TBL1XR1: variants seen among roughly 807,000 people sequenced by gnomAD.
TBL1XR1 encodes the protein F-box-like/WD repeat-containing protein TBL1XR1.
TBL1XR1 carries 5 observed loss-of-function variants against 66.9 expected under a neutral mutation model. That is an observed-to-expected ratio of 0.07 (90% CI 0.04 to 0.16). The LOEUF (loss-of-function observed/expected upper bound fraction) is 0.16. Among genes scored for constraint, TBL1XR1 ranks in the 10% least tolerant of loss-of-function variants. The probability of loss-of-function intolerance (pLI) is 1.00; values close to 1 mark genes in which losing one functional copy is unlikely to be tolerated. For missense variants in TBL1XR1, 238 were observed against 623.2 expected (o/e 0.38, Z 6.58); for synonymous variants, 210 against 206.0 (o/e 1.02, Z -0.17).
At chr3:177,034,112 G>A in intron 13 of TBL1XR1, 86 bp downstream of exon 13, 2 of 1,295,904 alleles carry the variant, frequency 1.5e-6, no homozygotes, top group Non-Finnish European at 1.1e-6. Flanking sequence ...TCCACTTCAT[G>A]AAATCTTCCC....
At chr3:177,195,579 G>A (rs966300490) in intron 1 of TBL1XR1, 1 of 151,870 alleles carries the variant, frequency 6.6e-6, no homozygotes, top group African/African-American at 2.4e-5. Flanking sequence ...TCTTCAACGT[G>A]TAATCGAAAT....
intron 2 of TBL1XR1, among the ~76,000 whole-genome samples, chr3:177,090,588 T>C (rs1722706435): frequency 6.7e-6 from 1 of 150,312 alleles, no homozygotes. Context: ...TTTGGGAGGC[T>C]GAGGCAGGTG....
chr3:177,102,156 T>A (rs1724305657), intron 1 of TBL1XR1, among the ~76,000 whole-genome samples: 1 of 152,206 alleles, frequency 6.6e-6, no homozygotes, highest in Non-Finnish European at 1.5e-5. Flanking sequence ...TAATCTCAGT[T>A]TTCACTAATT....
At chr3:177,129,580 G>T (rs970125914) in intron 1 of TBL1XR1, among the ~76,000 whole-genome samples, 3 of 152,154 alleles carry the variant, frequency 2.0e-5, no homozygotes, top group African/African-American at 7.2e-5. Context: ...CCTTTCCAGA[G>T]GCTGGGGATA....
intron 1 of TBL1XR1, among the ~76,000 whole-genome samples, chr3:177,175,495 C>T (rs918493590): frequency 2.6e-5 from 4 of 152,214 alleles, no homozygotes; most frequent in Admixed American, 6.5e-5. Context: ...GCCTGGAAAA[C>T]GCAAATGTTT....
At chr3:177,113,065 T>C (rs1228604189) in intron 1 of TBL1XR1, among the ~76,000 whole-genome samples, 1 of 152,046 alleles carries the variant, frequency 6.6e-6, no homozygotes, top group Non-Finnish European at 1.5e-5. Context: ...TCTACACATT[T>C]ACAGTCAACT....
At chr3:177,196,899 G>T (rs189394851) in intron 1 of TBL1XR1, among the ~76,000 whole-genome samples, 1 of 151,798 alleles carries the variant, frequency 6.6e-6, no homozygotes, top group African/African-American at 2.4e-5. Context: ...GCATTTCAAA[G>T]AAACCTGAGA....
chr3:177,069,307 A>G (rs1719574584), intron 2 of TBL1XR1, among the ~76,000 whole-genome samples: 1 of 152,222 alleles, frequency 6.6e-6, no homozygotes, highest in Non-Finnish European at 1.5e-5. Context: ...GATCTCAGAC[A>G]GACATCTCCA....
At chr3:177,025,636 T>C in intron 15 of TBL1XR1, 112 bp from the exon 16 acceptor site, 1 of 1,018,204 alleles carries the variant, frequency 9.8e-7, no homozygotes, top group Non-Finnish European at 1.5e-6. Context: ...GTTTATAAAA[T>C]TGGTAAAGCA....
intron 1 of TBL1XR1, among the ~76,000 whole-genome samples, chr3:177,133,348 T>C (rs1464842755): frequency 2.6e-5 from 4 of 152,202 alleles, no homozygotes; most frequent in Admixed American, 6.5e-5. Context: ...GGATTGACAT[T>C]ATCTGTATTT....
intron 14 of TBL1XR1, chr3:177,027,381 A>C (rs1713293112): frequency 6.6e-6 from 1 of 152,258 alleles, no homozygotes; most frequent in African/African-American, 2.4e-5. Context: ...ATCATTCATT[A>C]AGCTGAATCA....
chr3:177,138,381 GC>G (rs1233325977), intron 1 of TBL1XR1, among the ~76,000 whole-genome samples: 1 of 152,184 alleles, frequency 6.6e-6, no homozygotes, highest in Non-Finnish European at 1.5e-5. Context: ...AACTGATTGA[GC>G]CCAGGAGTGT....
chr3:177,096,956 G>C (rs1375455583), intron 2 of TBL1XR1, among the ~76,000 whole-genome samples: 1 of 152,116 alleles, frequency 6.6e-6, no homozygotes, highest in East Asian at 1.9e-4. Context: ...AAAGGGAAGA[G>C]GGTGAGCAGG....
intron 1 of TBL1XR1, among the ~76,000 whole-genome samples, chr3:177,118,920 A>C (rs1451796831): frequency 6.6e-6 from 1 of 152,194 alleles, no homozygotes; most frequent in Non-Finnish European, 1.5e-5. Flanking sequence ...AATGGGACCT[A>C]TAGAAAGTAT....
At chr3:177,191,890 C>CGAG (rs1245379484) in intron 1 of TBL1XR1, among the ~76,000 whole-genome samples, 1 of 144,402 alleles carries the variant, frequency 6.9e-6, no homozygotes, top group African/African-American at 2.6e-5. Context: ...GTCAGGAGTT[C>CGAG]GAGACCAGCC....
intron 1 of TBL1XR1, among the ~76,000 whole-genome samples, chr3:177,168,955 A>C (rs1235691040): frequency 1.3e-5 from 2 of 151,880 alleles, no homozygotes; most frequent in Non-Finnish European, 2.9e-5. Flanking sequence ...CAATCCAACT[A>C]CCCTCTAGTC....
At chr3:177,169,467 T>A (rs1025627187) in intron 1 of TBL1XR1, among the ~76,000 whole-genome samples, 1 of 152,208 alleles carries the variant, frequency 6.6e-6, no homozygotes, top group Non-Finnish European at 1.5e-5. Flanking sequence ...AAGAAAAGCA[T>A]GATCATGGCA....
At chr3:177,037,105 TGAGA>T (rs1011682672) in intron 12 of TBL1XR1, among the ~76,000 whole-genome samples, 4 of 152,228 alleles carry the variant, frequency 2.6e-5, no homozygotes, top group Non-Finnish European at 4.4e-5. Flanking sequence ...GCTCGCTCAC[TGAGA>T]GATTCTCTGC....
chr3:177,060,650 C>A (rs76370579), intron 3 of TBL1XR1, among the ~76,000 whole-genome samples: 10 of 152,266 alleles, frequency 6.6e-5, no homozygotes, highest in African/African-American at 2.4e-4. Context: ...AGAAACTATT[C>A]AAACCACAAC....
Sources: gnomAD v4.1 joint callset for allele counts (sites outside exome capture counted in the v4.1 genomes callset) on GRCh38, gnomAD v4.1.1 for gene constraint, MANE v1.5 for transcripts, NCBI Gene and HGNC (gene_info 2026-07-23, HGNC 2026-07-21) for gene names.